The following MDM2 variants were observed in gnomAD, a reference collection of about 807,000 sequenced individuals.
MDM2 encodes the protein MDM2 proto-oncogene, also known as E3 ubiquitin-protein ligase Mdm2.
Under a neutral mutation model 64.3 loss-of-function variants are expected in MDM2, and 11 were observed. The observed-to-expected ratio is 0.17, with a 90% confidence interval of 0.11 to 0.28. MDM2 has a LOEUF of 0.28. Ranked by LOEUF, MDM2 falls within the 10% of genes least tolerant of loss-of-function variation. MDM2 has a pLI of 1.00. For missense variants in MDM2, 388 were observed against 577.1 expected, an observed-to-expected ratio of 0.67 and a Z score of 3.36; for synonymous variants, 194 against 192.9, an observed-to-expected ratio of 1.01 and a Z score of -0.05.
In MDM2 at chr12:68,841,913, C is replaced by T. The variant is rs576457443; in HGVS notation, c.*2064C>T. ...CGTGTTTGGTCAGTGGAGGCCCATC[C>T]GAGCTCAGCACTGAGAAGTGTTAGT... On this transcript the variant is annotated 3_prime_UTR_variant, in exon 11 of 11. Coordinates refer to ENST00000258149, the MANE Select transcript of MDM2 (RefSeq NM_002392.6). 21 of 246,826 alleles carry T rather than the reference C, an allele frequency of 8.5e-5. No homozygotes were observed. The highest frequency in any genetic ancestry group is 4.1e-4 in the African/African-American group (19 of 45,804). The allele number at this position is 246,826 out of a possible 1,614,324, so 15.3% of individuals were successfully genotyped here.
chr12:68,812,275 T>C (rs1880973549), intron 2 of MDM2, among the ~76,000 whole-genome samples: 1 of 152,204 alleles, frequency 6.6e-6, no homozygotes, highest in South Asian at 2.1e-4. Context: ...TTAAATAATA[T>C]TTGTTTTATT....
rs1464998657 is a variant in MDM2, at chr12:68,842,245, A to G, written c.*2396A>G. On this transcript the variant is annotated 3_prime_UTR_variant, in exon 11 of 11. Transcript: ENST00000258149. ...AGCTATATTTATAATGAACAAATTC[A>G]AGAAAAAGGACTACGGAAAGTTCAG... 1.4e-5 allele frequency: 7 copies of G among 497,652 alleles called. No individual in the cohort carries two copies. Among genetic ancestry groups the G allele is most frequent in the African/African-American group, 1.4e-4 (7 of 51,726 alleles). The allele number at this position is 497,652 out of a possible 1,614,324, so 30.8% of individuals were successfully genotyped here. A position where few individuals can be genotyped will look rare whatever the true frequency, so the allele number is the denominator to read the frequency against.
rs570742144 is a variant in MDM2 at position 68,832,689 on chromosome 12, C to CTT, written c.685-3130_685-3129dup. On this transcript the variant is annotated intron_variant, in intron 8 of 10. Transcript: ENST00000258149. ...CACCACACCTGGCTAATTTTTTTTACTTTTTTTTTTTCAGAGATGAGATCT... is the reference window on the plus strand; with the variant it reads ...CACCACACCTGGCTAATTTTTTTTACTTTTTTTTTTTTTCAGAGATGAGATCT... 6.9e-3 allele frequency among the ~76,000 whole-genome samples: 1,003 copies of CTT among 146,094 alleles called. 12 individuals are homozygous for CTT. The highest frequency in any genetic ancestry group is 0.024 in the African/African-American group (941 of 39,910).
intron 5 of MDM2, among the ~76,000 whole-genome samples, chr12:68,823,568 AG>A (rs1441009748): frequency 1.3e-5 from 2 of 152,072 alleles, no homozygotes; most frequent in Non-Finnish European, 2.9e-5. Flanking sequence ...TCCATGCCTT[AG>A]TTTAGGCTTT....
intron 9 of MDM2, 80 bp from the exon 10 acceptor site, chr12:68,836,592 G>A (rs778934678): frequency 5.3e-6 from 5 of 938,032 alleles, no homozygotes. Flanking sequence ...CATGATATTT[G>A]TTTAGGACTT....
intron 8 of MDM2, among the ~76,000 whole-genome samples, chr12:68,833,285 A>AT (rs1883005331): frequency 1.7e-5 from 2 of 116,974 alleles, no homozygotes; most frequent in African/African-American, 3.4e-5. Context: ...ATATAAATAT[A>AT]AATATATATA....
At chr12:68,829,081 T>C in intron 8 of MDM2, 150 bp downstream of exon 8, 1 of 775,670 alleles carries the variant, frequency 1.3e-6, no homozygotes, top group Admixed American at 2.8e-5. Context: ...AAAACTACTA[T>C]ATTGATCTCC....
At chr12:68,827,153 G>C (rs1882403480) in intron 7 of MDM2, among the ~76,000 whole-genome samples, 1 of 152,168 alleles carries the variant, frequency 6.6e-6, no homozygotes, top group African/African-American at 2.4e-5. Flanking sequence ...ACTCCAGCCT[G>C]GGGGACAAGA....
intron 7 of MDM2, 48 bp downstream of exon 7, chr12:68,824,699 C>A: frequency 8.2e-7 from 1 of 1,222,260 alleles, no homozygotes; most frequent in African/African-American, 1.5e-5. Flanking sequence ...TTTTGATATT[C>A]TTTCTCTAAT....
intron 3 of MDM2, among the ~76,000 whole-genome samples, chr12:68,815,457 T>TTTTA (rs1437670839): frequency 6.8e-6 from 1 of 147,694 alleles, no homozygotes; most frequent in Non-Finnish European, 1.5e-5. Context: ...TTTTTTTTTT[T>TTTTA]ATGTGACAGT....
At chr12:68,836,955 CTT>C (rs35125243) in intron 10 of MDM2, among the ~76,000 whole-genome samples, 91 of 136,680 alleles carry the variant, frequency 6.7e-4, no homozygotes, top group African/African-American at 2.0e-3. Flanking sequence ...GGAATTTGAA[CTT>C]TTTTTTTTTT....
At chr12:68,847,231 TC>T (rs1217997418), downstream of MDM2, 1 of 141,760 alleles carries the variant, frequency 7.1e-6, no homozygotes, top group Admixed American at 7.0e-5. Flanking sequence ...AGAGGCAGAG[TC>T]CTGCTATGTT....
intron 3 of MDM2, chr12:68,814,605 C>G (rs1473283331): frequency 4.9e-6 from 2 of 411,338 alleles, no homozygotes; most frequent in Non-Finnish European, 9.5e-6. Flanking sequence ...TATCCAAGGA[C>G]TTCTTGGGCA....
rs759644422 is a variant in MDM2, at chr12:68,839,546, T to G, written c.1191T>G (p.Ser397Arg). 3.1e-6 allele frequency: 5 copies of G among 1,613,702 alleles called. No individual in the cohort carries two copies. The highest frequency in any genetic ancestry group is 3.4e-6 in the Non-Finnish European group (4 of 1,180,004). Residue 397 changes from serine (S) to arginine (R), a missense_variant, in exon 11 of 11, where the codon AGT (serine) becomes AGG (arginine). Around this residue, in one of 5 missense-constraint regions of MDM2, gnomAD observed 138 missense variants for 143.7 expected, o/e 0.96. Transcript: ENST00000258149. ...KITQASQSQE[S>R]EDYSQPSTSS... ...CACAAGCTTCACAATCACAAGAAAG[T>G]GAAGACTATTCTCAGCCATCAACTT...
In MDM2 at chr12:68,841,297, G is replaced by T. The variant is rs1193976307; in HGVS notation, c.*1448G>T. ...TTAACAATAGAGACAGGGTCTCCCT[G>T]TGTTGCCCAGGCTGGTCTCGAACTC... On this transcript the variant is annotated 3_prime_UTR_variant, in exon 11 of 11. Coordinates refer to ENST00000258149, the MANE Select transcript of MDM2 (RefSeq NM_002392.6). The T allele has an allele frequency of 4.9e-6, 1 of 203,992 alleles. No homozygotes were observed. The highest frequency in any genetic ancestry group is 1.0e-5 in the Non-Finnish European group (1 of 99,586). 12.6% of individuals were successfully genotyped at this position (203,992 alleles called of 1,614,324 possible).
chr12:68,833,284 T>TATATATATATATTTATATAAATATAA (rs1565744001), intron 8 of MDM2, among the ~76,000 whole-genome samples: 2 of 118,568 alleles, frequency 1.7e-5, no homozygotes, highest in Non-Finnish European at 3.4e-5. Context: ...TATATAAATA[T>TATATATATATATTTATATAAATATAA]AAATATATAT....
At position 68,828,893 on chromosome 12, in the gene MDM2, A is replaced by C; in HGVS notation, c.646A>C (p.Ser216Arg). ...AATAAGGGAGATATGTTGTGAAAGA[A>C]GCAGTAGCAGTGAATCTACAGGGAC... Reference protein sequence around the residue: ...CVIREICCERSSSSESTGTPS... With the variant: ...CVIREICCERRSSSESTGTPS... The change falls in exon 8 of 11, where the codon AGC becomes CGC. Residue 216 changes from serine (S) to arginine (R), a missense_variant. By Grantham distance (110) the Ser-to-Arg change is moderately radical. Coordinates refer to ENST00000258149, the MANE Select transcript of MDM2 (RefSeq NM_002392.6). 1 of 1,614,080 alleles carries C rather than the reference A, an allele frequency of 6.2e-7. No individual in the cohort carries two copies. The highest frequency in any genetic ancestry group is 2.2e-5 in the East Asian group (1 of 44,862).
At chr12:68,833,452 TAG>T (rs1306393584) in intron 8 of MDM2, among the ~76,000 whole-genome samples, 1 of 143,370 alleles carries the variant, frequency 7.0e-6, no homozygotes, top group South Asian at 2.1e-4. Flanking sequence ...AAAATATATA[TAG>T]AGAGAGATAA....
intron 10 of MDM2, 144 bp downstream of exon 10, chr12:68,836,893 C>A: frequency 2.4e-6 from 1 of 423,630 alleles, no homozygotes; most frequent in Non-Finnish European, 4.1e-6. Flanking sequence ...AAGCATTTTT[C>A]TTTTATTTGT....
Sources: allele counts gnomAD v4.1 joint callset (sites outside exome capture counted in the v4.1 genomes callset), GRCh38; gene constraint gnomAD v4.1.1; regional missense constraint gnomAD v4.1.1; transcripts MANE v1.5; gene names NCBI Gene and HGNC (gene_info 2026-07-23, HGNC 2026-07-21).